ZNF704: variants seen among roughly 807,000 people sequenced by gnomAD.
ZNF704 encodes zinc finger protein 704, also known as glucocorticoid induced gene 1.
A neutral mutation model predicts 44.7 loss-of-function variants in ZNF704; 10 were observed. The observed-to-expected ratio is 0.22, with a 90% CI of 0.14 to 0.38. The LOEUF (loss-of-function observed/expected upper bound fraction) is 0.38, where lower values mean the gene tolerates loss of function less well. Among genes scored for constraint, ZNF704 ranks in the 10% least tolerant of loss-of-function variants. The pLI, the probability that ZNF704 is intolerant of heterozygous loss-of-function variation, is 1.00. For synonymous variants in ZNF704, 211 were observed against 207.6 expected (o/e 1.02, Z -0.14); for missense variants, 390 against 545.5 (o/e 0.71, Z 2.84).
intron 2 of ZNF704, among the ~76,000 whole-genome samples, chr8:80,729,485 G>A (rs1415022513): frequency 6.6e-6 from 1 of 152,102 alleles, no homozygotes; most frequent in South Asian, 2.1e-4. Context: ...AGGGTATGAG[G>A]ACTAAGAACA....
intron 6 of ZNF704, 53 bp downstream of exon 6, chr8:80,664,762 C>T (rs1818162364): frequency 1.9e-6 from 3 of 1,605,262 alleles, no homozygotes; most frequent in Admixed American, 3.4e-5. Context: ...CCAGATGGCC[C>T]CTGGTTTTGG....
chr8:80,785,221 T>A (rs2129724015), intron 2 of ZNF704, among the ~76,000 whole-genome samples: 1 of 152,288 alleles, frequency 6.6e-6, no homozygotes, highest in African/African-American at 2.4e-5. Context: ...AGAATACACC[T>A]CAATTGGGAT....
At position 80,639,135 on chromosome 8, in the gene ZNF704, T is replaced by G. The variant is rs1248851964; in HGVS notation, c.*2231A>C. The G allele has an allele frequency of 6.6e-6, 1 of 152,298 alleles. No individual in the cohort carries two copies. The highest frequency in any genetic ancestry group is 1.5e-5 in the Non-Finnish European group (1 of 68,104). The allele number at this position is 152,298 out of a possible 1,614,324, so 9.4% of individuals were successfully genotyped here. On this transcript the variant is annotated 3_prime_UTR_variant, in exon 9 of 9. Transcript: ENST00000327835. ...GATTTTATACTTCATGACTTGAATC[T>G]TTTTCTATTAGTAACAGTCCAACGA...
At chr8:80,850,044 T>A (rs1407026418) in intron 1 of ZNF704, among the ~76,000 whole-genome samples, 1 of 152,234 alleles carries the variant, frequency 6.6e-6, no homozygotes, top group African/African-American at 2.4e-5. Context: ...GGTAACTTTT[T>A]AGGATTTCAC....
intron 2 of ZNF704, among the ~76,000 whole-genome samples, chr8:80,777,478 T>C (rs145194090): frequency 1.7e-4 from 26 of 152,292 alleles, no homozygotes; most frequent in African/African-American, 5.8e-4. Context: ...GTATATATCC[T>C]TCACCTTCAG....
intron 3 of ZNF704, among the ~76,000 whole-genome samples, chr8:80,690,687 C>A (rs1346941478): frequency 6.6e-6 from 1 of 152,206 alleles, no homozygotes; most frequent in African/African-American, 2.4e-5. Flanking sequence ...AGGCCCATTT[C>A]AAGAGCAACT....
At position 80,874,430 on chromosome 8, in the gene ZNF704, G is replaced by A. The variant is rs531508959; in HGVS notation, c.-22+141C>T. 1 of 150,216 alleles carries A rather than the reference G, an allele frequency of 6.7e-6. No individual in the cohort carries two copies. The highest frequency in any genetic ancestry group is 6.6e-5 in the Admixed American group (1 of 15,128). The allele number at this position is 150,216 out of a possible 1,614,324, so 9.3% of individuals were successfully genotyped here. On this transcript the variant is annotated intron_variant, in intron 1 of 8. Coordinates refer to ENST00000327835, the MANE Select transcript of ZNF704 (RefSeq NM_001033723.3). The surrounding 1 kb of genome is among the most constrained non-coding windows in gnomAD (Gnocchi z 4.4). ...GGCCGGCTGCGCCCGCGCGCTCCGGGCCTACCGCTGCCGTGCCTCGGCGCG... is the reference window on the plus strand; with the variant it reads ...GGCCGGCTGCGCCCGCGCGCTCCGGACCTACCGCTGCCGTGCCTCGGCGCG...
chr8:80,858,624 T>TC (rs1341627321), intron 1 of ZNF704, among the ~76,000 whole-genome samples: 1 of 151,946 alleles, frequency 6.6e-6, no homozygotes, highest in Non-Finnish European at 1.5e-5. Flanking sequence ...TCCCAGCTGT[T>TC]CGGGAGGCTG....
intron 2 of ZNF704, among the ~76,000 whole-genome samples, chr8:80,718,098 T>C (rs1206226189): frequency 6.6e-6 from 1 of 152,190 alleles, no homozygotes; most frequent in Non-Finnish European, 1.5e-5. Context: ...TCTAGGGTTT[T>C]AGCTACTCCA....
chr8:80,851,732 A>C (rs1486979973), intron 1 of ZNF704, among the ~76,000 whole-genome samples: 3 of 152,094 alleles, frequency 2.0e-5, no homozygotes, highest in African/African-American at 7.3e-5. Flanking sequence ...AATAATAATA[A>C]AATTTAAAAA....
intron 1 of ZNF704, among the ~76,000 whole-genome samples, chr8:80,824,896 G>T (rs964037467): frequency 6.6e-6 from 1 of 152,112 alleles, no homozygotes; most frequent in Non-Finnish European, 1.5e-5. Context: ...TCACCACCAG[G>T]CCTGCCCTAA....
At chr8:80,779,770 T>C (rs1195476533) in intron 2 of ZNF704, among the ~76,000 whole-genome samples, 1 of 151,934 alleles carries the variant, frequency 6.6e-6, no homozygotes, top group Non-Finnish European at 1.5e-5. Context: ...CTAGAGTCAC[T>C]CTCTACAGGA....
chr8:80,735,057 C>T (rs955811126), intron 2 of ZNF704, among the ~76,000 whole-genome samples: 2 of 152,206 alleles, frequency 1.3e-5, no homozygotes, highest in African/African-American at 2.4e-5. Flanking sequence ...TGGGTCCTCA[C>T]CTTGGCCTTC....
upstream of ZNF704, among the ~76,000 whole-genome samples, chr8:80,878,703 G>C (rs1276549561): frequency 6.6e-6 from 1 of 152,204 alleles, no homozygotes; most frequent in African/African-American, 2.4e-5. Context: ...CTGAAAGCCT[G>C]TCTAAGTCAA....
chr8:80,761,808 T>C (rs1807136432), intron 2 of ZNF704, among the ~76,000 whole-genome samples: 2 of 152,170 alleles, frequency 1.3e-5, no homozygotes, highest in South Asian at 4.1e-4. Flanking sequence ...AAAGGCAAAA[T>C]GTATAAACAA....
chr8:80,742,312 C>A (rs931193677), intron 2 of ZNF704, among the ~76,000 whole-genome samples: 6 of 152,182 alleles, frequency 3.9e-5, no homozygotes, highest in African/African-American at 1.4e-4. Context: ...GAATGGGGAA[C>A]CTCACGAGGA....
chr8:80,819,591 TAAC>T (rs1466443375), intron 2 of ZNF704, among the ~76,000 whole-genome samples: 3 of 151,504 alleles, frequency 2.0e-5, no homozygotes, highest in African/African-American at 7.3e-5. Context: ...TTCAAATTGT[TAAC>T]ATGTCAGTTT....
At chr8:80,809,111 G>A (rs1050608618) in intron 2 of ZNF704, among the ~76,000 whole-genome samples, 12 of 152,172 alleles carry the variant, frequency 7.9e-5, no homozygotes, top group Non-Finnish European at 1.3e-4. Flanking sequence ...GGCCAACACG[G>A]TGAAACCCTG....
At chr8:80,856,921 G>T (rs755796951) in intron 1 of ZNF704, among the ~76,000 whole-genome samples, 1 of 152,132 alleles carries the variant, frequency 6.6e-6, no homozygotes, top group African/African-American at 2.4e-5. Context: ...GGATTGTGCT[G>T]AATCTTTTAA....
Sources: allele counts gnomAD v4.1 joint callset (sites outside exome capture counted in the v4.1 genomes callset), GRCh38; gene constraint gnomAD v4.1.1; non-coding constraint Gnocchi (gnomAD v3.1); transcripts MANE v1.5; gene names NCBI Gene and HGNC (gene_info 2026-07-23, HGNC 2026-07-21).